The following TBC1D21 variants were observed in gnomAD, a reference collection of about 807,000 sequenced individuals.
The protein encoded by TBC1D21 is TBC1 domain family member 21.
TBC1D21 carries 38 observed loss-of-function variants against 46.0 expected under a neutral mutation model. The ratio of observed to expected loss-of-function variants is 0.83; its 90% CI spans 0.64 to 1.08. The LOEUF (loss-of-function observed/expected upper bound fraction) is 1.08, where lower values mean the gene tolerates loss of function less well. Ranked by LOEUF, TBC1D21 falls within the 50% of genes least tolerant of loss-of-function variation. The pLI, the probability that TBC1D21 is intolerant of heterozygous loss-of-function variation, is 0.00. For missense variants in TBC1D21, 415 were observed against 417.9 expected (o/e 0.99, Z 0.06); for synonymous variants, 151 against 157.2 (o/e 0.96, Z 0.29).
chr15:73,882,003 C>G (rs550413309), intron 3 of TBC1D21, among the ~76,000 whole-genome samples: 1 of 152,232 alleles, frequency 6.6e-6, no homozygotes, highest in South Asian at 2.1e-4. Flanking sequence ...CCCCTGGGCC[C>G]CAAGTCCCAT....
At chr15:73,881,577 G>A (rs950836338) in intron 2 of TBC1D21, 67 bp from the exon 3 acceptor site, 42 of 1,600,380 alleles carry the variant, frequency 2.6e-5, no homozygotes, top group East Asian at 6.7e-5. Flanking sequence ...CAGGTGTGGC[G>A]TTGGATGAAG....
chr15:73,908,599 G>T, the TBC1D21 span: 18,446 of 152,774 alleles, frequency 0.12, 1,447 homozygotes, highest in Non-Finnish European at 0.17. Context: ...GGTAAAGAAT[G>T]GAGGGAGAAG....
chr15:73,879,151 A>C (rs552404749), intron 1 of TBC1D21, among the ~76,000 whole-genome samples: 1 of 152,286 alleles, frequency 6.6e-6, no homozygotes, highest in African/African-American at 2.4e-5. Flanking sequence ...AATTATCCCA[A>C]TTTGGAGCCT....
downstream of TBC1D21, among the ~76,000 whole-genome samples, chr15:73,892,153 C>T (rs979172640): frequency 6.6e-6 from 1 of 152,200 alleles, no homozygotes; most frequent in Non-Finnish European, 1.5e-5. Flanking sequence ...GGCAGACTAC[C>T]GGATGACCTG....
chr15:73,894,116 G>C (rs375971406), downstream of TBC1D21, among the ~76,000 whole-genome samples: 86 of 152,338 alleles, frequency 5.6e-4, 4 homozygotes, highest in East Asian at 0.01. Context: ...CTAGTGATTT[G>C]CCAAGTCCGG....
chr15:73,885,164 A>AC, intron 6 of TBC1D21, 61 bp downstream of exon 6: 4 of 1,414,542 alleles, frequency 2.8e-6, no homozygotes, highest in Non-Finnish European at 4.0e-6. Flanking sequence ...TCCCCAAACA[A>AC]CTCTTTGAGG....
At chr15:73,903,842 T>A in the TBC1D21 span, among the ~76,000 whole-genome samples, 1 of 151,932 alleles carries the variant, frequency 6.6e-6, no homozygotes, top group Admixed American at 6.6e-5. Context: ...AGGTGAGGAG[T>A]TCGAGACTGG....
chr15:73,875,468 C>CT (rs562818972), intron 1 of TBC1D21, among the ~76,000 whole-genome samples: 3 of 152,004 alleles, frequency 2.0e-5, no homozygotes, highest in Admixed American at 2.0e-4. Context: ...CAAAGGCTTT[C>CT]TTTTTTTACT....
the TBC1D21 span, among the ~76,000 whole-genome samples, chr15:73,907,799 T>C: frequency 2.0e-5 from 3 of 152,322 alleles, no homozygotes; most frequent in South Asian, 6.2e-4. Flanking sequence ...TGTTGGGGTA[T>C]AGACGTGAAA....
the TBC1D21 span, among the ~76,000 whole-genome samples, chr15:73,905,281 T>G: frequency 4.2e-4 from 64 of 152,370 alleles, no homozygotes; most frequent in South Asian, 1.9e-3. Context: ...ATTACTCACA[T>G]GACACGCAAC....
At chr15:73,894,653 G>A in the TBC1D21 span, among the ~76,000 whole-genome samples, 2 of 152,188 alleles carry the variant, frequency 1.3e-5, no homozygotes, top group Non-Finnish European at 2.9e-5. Context: ...AGCTGGGGTG[G>A]GCCAAGTGTT....
At position 73,889,192 on chromosome 15, in the gene TBC1D21, A is replaced by C; in HGVS notation, c.*91A>C. ...TGAGGGAGTAGATAAAACAGCTGCA[A>C]TATAAACAGTCCTCTGGAATAATGG... On this transcript the variant is annotated 3_prime_UTR_variant, in exon 11 of 11. Coordinates refer to ENST00000300504, the MANE Select transcript of TBC1D21 (RefSeq NM_153356.3). 1 of 1,404,956 alleles carries C rather than the reference A, an allele frequency of 7.1e-7. No individual in the cohort carries two copies. The highest frequency in any genetic ancestry group is 9.9e-7 in the Non-Finnish European group (1 of 1,007,318). The allele number at this position is 1,404,956 out of a possible 1,614,324, so 87.0% of individuals were successfully genotyped here. A position where few individuals can be genotyped will look rare whatever the true frequency, so the allele number is the denominator to read the frequency against.
downstream of TBC1D21, among the ~76,000 whole-genome samples, chr15:73,891,851 C>T (rs542075789): frequency 6.6e-6 from 1 of 152,362 alleles, no homozygotes; most frequent in South Asian, 2.1e-4. Flanking sequence ...CTAAGGATGG[C>T]TCGGCATGGG....
intron 1 of TBC1D21, among the ~76,000 whole-genome samples, chr15:73,880,328 A>ACACACACACACACACC (rs762418406): frequency 1.6e-4 from 24 of 150,886 alleles, no homozygotes; most frequent in Middle Eastern, 3.4e-3. Flanking sequence ...ACACACACAC[A>ACACACACACACACACC]CCCTTATCAA....
At position 73,887,614 on chromosome 15, in the gene TBC1D21, C is replaced by A. The variant is rs374831326; in HGVS notation, c.778-6C>A. ...AGGGCCCAGACTGAGACGTCCTGAC[C>A]CACAGGTTCTGCTGACGGGGAAGCC... On this transcript the variant is annotated splice_polypyrimidine_tract_variant and splice_region_variant and intron_variant, in intron 8 of 10. Transcript: ENST00000300504. 1.1e-5 allele frequency: 17 copies of A among 1,613,406 alleles called. No individual in the cohort carries two copies. Among genetic ancestry groups the A allele is most frequent in the African/African-American group, 1.3e-5 (1 of 74,934 alleles).
rs545434583 is a variant in TBC1D21 at position 73,888,274 on chromosome 15, G to C, written c.895-156G>C. The stretch of plus-strand genomic sequence containing the variant: ...CCCAAAATATCAAATTTTAGGCATT[G>C]AGCCAAGCAGGCTGGGGAGAGGTCA... On this transcript the variant is annotated intron_variant, in intron 9 of 10. Coordinates refer to ENST00000300504, the MANE Select transcript of TBC1D21 (RefSeq NM_153356.3). Among the ~76,000 whole-genome samples the C allele has an allele frequency of 2.6e-5, 4 of 152,310 alleles. No individual in the cohort carries two copies. The South Asian group carries it at 8.3e-4, about 32-fold the overall frequency.
At chr15:73,893,471 C>T (rs1658065646), downstream of TBC1D21, among the ~76,000 whole-genome samples, 1 of 152,180 alleles carries the variant, frequency 6.6e-6, no homozygotes, top group Admixed American at 6.5e-5. Context: ...CTCACCCTCA[C>T]CTCTCTTTCA....
downstream of TBC1D21, among the ~76,000 whole-genome samples, chr15:73,891,173 A>G (rs751094730): frequency 1.8e-4 from 27 of 152,138 alleles, no homozygotes; most frequent in Non-Finnish European, 3.5e-4. Context: ...GGGCTGTATA[A>G]TTCATTCATT....
At chr15:73,907,147 CCTCTTT>C in the TBC1D21 span, among the ~76,000 whole-genome samples, 1 of 142,536 alleles carries the variant, frequency 7.0e-6, no homozygotes, top group Non-Finnish European at 1.6e-5. Context: ...TGCTCCTCCT[CCTCTTT>C]TTTTCCCCCA....
Sources: allele counts gnomAD v4.1 joint callset (sites outside exome capture counted in the v4.1 genomes callset), GRCh38; gene constraint gnomAD v4.1.1; transcripts MANE v1.5; gene names NCBI Gene and HGNC (gene_info 2026-07-23, HGNC 2026-07-21).